PCDHGA3: variants seen among roughly 807,000 people sequenced by gnomAD.
PCDHGA3 encodes the protein protocadherin gamma subfamily A, 3.
Under a neutral mutation model 58.5 loss-of-function variants are expected in PCDHGA3, and 40 were observed. That is an observed-to-expected ratio of 0.68 (90% CI 0.53 to 0.89). PCDHGA3 has a LOEUF of 0.89. Among genes scored for constraint, PCDHGA3 ranks in the 40% least tolerant of loss-of-function variants. The probability of loss-of-function intolerance (pLI) is 0.00; values close to 1 mark genes in which losing one functional copy is unlikely to be tolerated. For synonymous variants in PCDHGA3, 530 were observed against 525.7 expected (o/e 1.01, Z -0.11); for missense variants, 1,223 against 1,195.9 (o/e 1.02, Z -0.33).
intron 3 of PCDHGA3, among the ~76,000 whole-genome samples, chr5:141,509,808 G>A (rs905531504): frequency 3.9e-5 from 6 of 152,028 alleles, no homozygotes; most frequent in Non-Finnish European, 7.4e-5. Context: ...TCATAGAGCC[G>A]AGCTCTTCTC....
intron 1 of PCDHGA3, among the ~76,000 whole-genome samples, chr5:141,452,803 A>G (rs1045171800): frequency 2.6e-5 from 4 of 152,186 alleles, no homozygotes; most frequent in African/African-American, 9.7e-5. Context: ...TTTTTGCTGT[A>G]GTTTGTTCAT....
At chr5:141,413,639 G>T (rs893578830) in intron 1 of PCDHGA3, 1 of 1,613,736 alleles carries the variant, frequency 6.2e-7, no homozygotes, top group African/African-American at 1.3e-5. Flanking sequence ...GCGGGAATGC[G>T]TTTTCCTCTC....
chr5:141,510,986 G>A lies in PCDHGA3; in HGVS notation c.2612G>A (p.Gly871Asp), dbSNP rs754203270. The A allele has an allele frequency of 6.2e-7, 1 of 1,614,166 alleles. No individual in the cohort carries two copies. The highest frequency in any genetic ancestry group is 8.5e-7 in the Non-Finnish European group (1 of 1,180,012). The change falls in exon 4 of 4, where the codon GGC becomes GAC. Residue 871 changes from glycine to aspartate, a missense_variant. Physicochemically the swap from Gly to Asp is moderately conservative, Grantham distance 94. Around this residue, in one of 3 missense-constraint regions of PCDHGA3, gnomAD observed 325 missense variants for 327.5 expected, o/e 0.99. Transcript: ENST00000253812. ...DGSSTLGGGA[G>D]TMGLSARYGP... ...AGCTCCACCCTGGGAGGGGGTGCCG[G>A]CACCATGGGATTGAGCGCCCGCTAC... is the stretch of plus-strand genomic sequence containing the variant.
intron 1 of PCDHGA3, chr5:141,413,132 A>C (rs1313665743): frequency 1.3e-6 from 2 of 1,542,144 alleles, no homozygotes; most frequent in Admixed American, 4.0e-5. Context: ...GAAACACACA[A>C]CGTGTCCAGT....
At chr5:141,449,876 C>T (rs924666805) in intron 1 of PCDHGA3, among the ~76,000 whole-genome samples, 1 of 151,724 alleles carries the variant, frequency 6.6e-6, no homozygotes, top group African/African-American at 2.4e-5. Context: ...AATTTAACAT[C>T]AATGCAATAT....
At chr5:141,451,880 A>G (rs1322052501) in intron 1 of PCDHGA3, among the ~76,000 whole-genome samples, 1 of 152,106 alleles carries the variant, frequency 6.6e-6, no homozygotes, top group East Asian at 1.9e-4. Flanking sequence ...AACCCTGTCA[A>G]GAAAGAAAGG....
chr5:141,375,868 C>G (rs1259625295), intron 1 of PCDHGA3: 1 of 1,613,938 alleles, frequency 6.2e-7, no homozygotes. Flanking sequence ...TGGCGGTGGA[C>G]AGAGACTCGG....
intron 1 of PCDHGA3, chr5:141,384,772 G>A: frequency 6.2e-7 from 1 of 1,613,920 alleles, no homozygotes. Flanking sequence ...GTACACGGGC[G>A]AGGTGCGCAC....
intron 1 of PCDHGA3, among the ~76,000 whole-genome samples, chr5:141,381,361 G>A (rs1050283609): frequency 6.6e-6 from 1 of 152,198 alleles, no homozygotes; most frequent in Admixed American, 6.5e-5. Context: ...CTAGCAGAGG[G>A]TAGCCTCGGA....
rs1038145479 is a variant in PCDHGA3 at position 141,408,047 on chromosome 5, A to G, written c.2424+61590A>G. The G allele has an allele frequency of 5.6e-6, 7 of 1,243,316 alleles. No individual in the cohort carries two copies. In the African/African-American group the frequency reaches 1.1e-4, roughly 19 times the overall value. The allele number at this position is 1,243,316 out of a possible 1,614,324, so 77.0% of individuals were successfully genotyped here. On this transcript the variant is annotated intron_variant, in intron 1 of 3. Coordinates refer to ENST00000253812, the MANE Select transcript of PCDHGA3 (RefSeq NM_018916.4). ...GAAAGAAGAAAACCAGCTCCCACAC[A>G]GAGCCTCCCGGCTGCGCAGACCTTT...
chr5:141,453,524 C>T (rs1351750021), intron 1 of PCDHGA3, among the ~76,000 whole-genome samples: 1 of 152,060 alleles, frequency 6.6e-6, no homozygotes, highest in Non-Finnish European at 1.5e-5. Flanking sequence ...TCCCCTATAC[C>T]TTCTGCCTCA....
chr5:141,441,018 TG>T (rs1482478700), intron 1 of PCDHGA3: 1 of 152,164 alleles, frequency 6.6e-6, no homozygotes, highest in Non-Finnish European at 1.5e-5. Context: ...GATCAAATAG[TG>T]GAGAAATGAA....
intron 1 of PCDHGA3, chr5:141,478,843 C>G: frequency 7.2e-7 from 1 of 1,398,442 alleles, no homozygotes; most frequent in South Asian, 1.5e-5. Flanking sequence ...GATGGTTAAG[C>G]TAAAACACAA....
intron 1 of PCDHGA3, among the ~76,000 whole-genome samples, chr5:141,352,985 T>TA (rs913354282): frequency 6.6e-6 from 1 of 152,130 alleles, no homozygotes; most frequent in African/African-American, 2.4e-5. Context: ...GGAAACTGTC[T>TA]AAAAAAACAA....
At chr5:141,458,064 C>T (rs886724551) in intron 1 of PCDHGA3, among the ~76,000 whole-genome samples, 14 of 152,104 alleles carry the variant, frequency 9.2e-5, no homozygotes, top group East Asian at 3.9e-4. Context: ...TGCACTGATG[C>T]GAACAACTAT....
rs375478611 is a variant in PCDHGA3 at position 141,371,890 on chromosome 5, G to A, written c.2424+25433G>A. ...ATCGTGGCCAGTGACCTGGAGCCGC[G>A]GGAGCTGTCGTCCTACGTGTCCGTG... On this transcript the variant is annotated intron_variant, in intron 1 of 3. Coordinates refer to ENST00000253812, the MANE Select transcript of PCDHGA3 (RefSeq NM_018916.4). 7.4e-5 allele frequency: 119 copies of A among 1,613,312 alleles called. No homozygotes were observed. The highest frequency in any genetic ancestry group is 9.7e-5 in the Non-Finnish European group (114 of 1,179,910).
chr5:141,477,951 G>T lies in PCDHGA3; in HGVS notation c.2425-16856G>T. 3 of 1,614,120 alleles carry T rather than the reference G, an allele frequency of 1.9e-6. No homozygotes were observed. The highest frequency in any genetic ancestry group is 2.5e-6 in the Non-Finnish European group (3 of 1,180,024). Reference sequence around the variant, plus strand: ...GCCTGGCTCTCCTACAGTCTCTTGGGATCCCCTAACCAGAGCCTTTTTGCC... The same window carrying T: ...GCCTGGCTCTCCTACAGTCTCTTGGTATCCCCTAACCAGAGCCTTTTTGCC... On this transcript the variant is annotated intron_variant, in intron 1 of 3. Transcript: ENST00000253812. The surrounding 1 kb of genome is among the most constrained non-coding windows in gnomAD (Gnocchi z 4.9).
chr5:141,478,271 A>G, intron 1 of PCDHGA3: 1 of 1,614,170 alleles, frequency 6.2e-7, no homozygotes, highest in Non-Finnish European at 8.5e-7. Flanking sequence ...CAAAGTTTAC[A>G]AGTGGAAGCA....
intron 1 of PCDHGA3, chr5:141,478,899 T>A (rs905349011): frequency 9.7e-7 from 1 of 1,027,124 alleles, no homozygotes; most frequent in African/African-American, 1.6e-5. Context: ...ACATTAGGAA[T>A]AAGCTGCTGG....
Sources: allele counts gnomAD v4.1 joint callset (sites outside exome capture counted in the v4.1 genomes callset), GRCh38; gene constraint gnomAD v4.1.1; regional missense constraint gnomAD v4.1.1; non-coding constraint Gnocchi (gnomAD v3.1); transcripts MANE v1.5; gene names NCBI Gene and HGNC (gene_info 2026-07-23, HGNC 2026-07-21).